Variants in CELF1 observed in about 807,000 individuals in gnomAD.
CELF1 encodes CUGBP Elav-like family member 1, also known as 50 kDa nuclear polyadenylated RNA-binding protein.
CELF1 carries 10 observed loss-of-function variants against 61.8 expected under a neutral mutation model. That is an observed-to-expected ratio of 0.16 (90% CI 0.10 to 0.27). The LOEUF is 0.27. CELF1 is among the 10% of genes least tolerant of loss of function. CELF1 has a pLI of 1.00. For missense variants in CELF1, 380 were observed against 639.1 expected (o/e 0.59, Z 4.37); for synonymous variants, 236 against 225.1 (o/e 1.05, Z -0.43).
chr11:47,472,509 A>G (rs2078065077), intron 14 of CELF1, 152 bp from the exon 15 acceptor site: 1 of 831,992 alleles, frequency 1.2e-6, no homozygotes, highest in South Asian at 1.7e-5. Flanking sequence ...TACGAAATAA[A>G]TTAGGTTCTT....
At chr11:47,508,120 A>C (rs2094676566) in intron 1 of CELF1, among the ~76,000 whole-genome samples, 1 of 152,214 alleles carries the variant, frequency 6.6e-6, no homozygotes, top group South Asian at 2.1e-4. Flanking sequence ...CTCTCTAGAG[A>C]AATGTGACCA....
At chr11:47,486,727 G>A (rs931046425) in intron 6 of CELF1, 23 bp downstream of exon 6, 1 of 1,600,326 alleles carries the variant, frequency 6.2e-7, no homozygotes, top group South Asian at 1.1e-5. Context: ...ATCTTAAGGG[G>A]AAGATTGTAT....
intron 3 of CELF1, among the ~76,000 whole-genome samples, chr11:47,492,035 T>C (rs1360846548): frequency 6.6e-6 from 1 of 152,226 alleles, no homozygotes; most frequent in Non-Finnish European, 1.5e-5. Flanking sequence ...TGGAGTGCAG[T>C]GGCATGACCA....
intron 2 of CELF1, among the ~76,000 whole-genome samples, chr11:47,562,199 C>T (rs1173918036): frequency 7.1e-6 from 1 of 141,224 alleles, no homozygotes; most frequent in African/African-American, 2.7e-5. Flanking sequence ...GCACTCCAGC[C>T]TGGGTAACAA....
At chr11:47,501,896 T>C (rs916238455) in intron 1 of CELF1, among the ~76,000 whole-genome samples, 2 of 152,162 alleles carry the variant, frequency 1.3e-5, no homozygotes, top group Non-Finnish European at 2.9e-5. Flanking sequence ...GGTTATTGTG[T>C]TTTTAATATT....
At chr11:47,478,978 CA>C (rs1377942899) in intron 9 of CELF1, 26 bp from the exon 10 acceptor site, 6 of 1,592,354 alleles carry the variant, frequency 3.8e-6, no homozygotes, top group African/African-American at 2.7e-5. Flanking sequence ...AAAAACAGAA[CA>C]AGAGTGAGAG....
intron 1 of CELF1, among the ~76,000 whole-genome samples, chr11:47,512,256 G>A (rs1356931250): frequency 1.3e-5 from 2 of 152,024 alleles, no homozygotes. Flanking sequence ...AGGTTCAAAC[G>A]ATTCTCCTGC....
intron 1 of CELF1, among the ~76,000 whole-genome samples, chr11:47,531,905 T>C (rs1454078380): frequency 2.0e-5 from 3 of 152,200 alleles, no homozygotes; most frequent in African/African-American, 7.2e-5. Flanking sequence ...AGTTCTAGGG[T>C]TTAGGCATGA....
intron 1 of CELF1, among the ~76,000 whole-genome samples, chr11:47,504,273 G>A (rs1323003963): frequency 6.6e-6 from 1 of 151,798 alleles, no homozygotes; most frequent in African/African-American, 2.4e-5. Flanking sequence ...GGTTAAAGAA[G>A]AAATAGAAAT....
rs575353632 is a variant in CELF1 at position 47,498,271 on chromosome 11, G to A, written c.71+1182C>T. ...AAAGTTTAAAAATTAGCCAGGTGGT[G>A]GTGCATGCCTGTGGTCCCAGCTACT... On this transcript the variant is annotated intron_variant, in intron 3 of 14. Coordinates refer to ENST00000687097, the MANE Select transcript of CELF1 (RefSeq NM_001376376.1). Among the ~76,000 whole-genome samples, 9 of 152,238 alleles carry A rather than the reference G, an allele frequency of 5.9e-5. No homozygotes were observed. The South Asian group carries it at 1.9e-3, about 32-fold the overall frequency.
intron 1 of CELF1, among the ~76,000 whole-genome samples, chr11:47,546,131 C>T (rs967672152): frequency 1.3e-5 from 2 of 151,424 alleles, no homozygotes; most frequent in African/African-American, 2.4e-5. Context: ...AGGATGGTCT[C>T]GATCTCCTGA....
upstream of CELF1, among the ~76,000 whole-genome samples, chr11:47,555,999 C>CAA (rs34873224): frequency 0.011 from 563 of 53,298 alleles, 5 homozygotes; most frequent in African/African-American, 0.024. Flanking sequence ...GACTCTGTCT[C>CAA]AAAAAAAAAA....
chr11:47,477,641 A>G lies in CELF1; in HGVS notation c.845-216T>C, dbSNP rs2080862691. The G allele has an allele frequency of 8.2e-6, 4 of 486,126 alleles. No homozygotes were observed. In the East Asian group the frequency reaches 1.4e-4, roughly 17 times the overall value. 30.1% of individuals were successfully genotyped at this position (486,126 alleles called of 1,614,324 possible). On this transcript the variant is annotated intron_variant, in intron 10 of 14. Transcript: ENST00000687097. ...TCCTCAGAGAAGAGATGGCTAATCCAATAGCATACCATGCCAAGTGTACAT... is the reference window on the plus strand; with the variant it reads ...TCCTCAGAGAAGAGATGGCTAATCCGATAGCATACCATGCCAAGTGTACAT...
intron 1 of CELF1, among the ~76,000 whole-genome samples, chr11:47,518,286 T>C (rs1272532592): frequency 2.0e-5 from 3 of 152,244 alleles, no homozygotes; most frequent in South Asian, 2.1e-4. Context: ...GACCTCATCA[T>C]GTATGGCCTA....
intron 7 of CELF1, 98 bp downstream of exon 7, chr11:47,484,291 G>A: frequency 1.5e-6 from 2 of 1,339,624 alleles, no homozygotes; most frequent in Non-Finnish European, 2.1e-6. Flanking sequence ...CTCCAGCCTG[G>A]GTGAGAGAGA....
chr11:47,532,036 T>A (rs1054302595), intron 1 of CELF1, among the ~76,000 whole-genome samples: 1 of 140,378 alleles, frequency 7.1e-6, no homozygotes, highest in African/African-American at 2.5e-5. Flanking sequence ...CTTATTTTTA[T>A]TTTTTTTTTT....
In CELF1 at chr11:47,472,121, T is replaced by G; in HGVS notation, c.*109A>C. The G allele has an allele frequency of 7.6e-7, 1 of 1,323,998 alleles. No individual in the cohort carries two copies. The allele number at this position is 1,323,998 out of a possible 1,614,324, so 82.0% of individuals were successfully genotyped here. On this transcript the variant is annotated 3_prime_UTR_variant, in exon 15 of 15. Transcript: ENST00000687097. ...GCTGTGCCTGCGAGAGTGGCAGGGATCAGGGTCCAGGGCTGTCAACACACA... is the reference window on the plus strand; with the variant it reads ...GCTGTGCCTGCGAGAGTGGCAGGGAGCAGGGTCCAGGGCTGTCAACACACA...
At chr11:47,527,967 A>G (rs2096309849) in intron 1 of CELF1, among the ~76,000 whole-genome samples, 1 of 152,058 alleles carries the variant, frequency 6.6e-6, no homozygotes, top group African/African-American at 2.4e-5. Context: ...GTGGTGGTGC[A>G]TGCCTGTAAT....
intron 6 of CELF1, among the ~76,000 whole-genome samples, chr11:47,485,213 C>G (rs918734873): frequency 4.6e-5 from 7 of 152,170 alleles, no homozygotes; most frequent in African/African-American, 1.7e-4. Flanking sequence ...ACAAGAGTCT[C>G]GCTGTCACCC....
Sources: allele counts gnomAD v4.1 joint callset (sites outside exome capture counted in the v4.1 genomes callset), GRCh38; gene constraint gnomAD v4.1.1; transcripts MANE v1.5; gene names NCBI Gene and HGNC (gene_info 2026-07-23, HGNC 2026-07-21).